The following CPAP variants were observed in gnomAD, a reference collection of about 807,000 sequenced individuals.
The protein encoded by CPAP is centrosome assembly and centriole elongation protein.
chr13:24,916,924 C>T, the CPAP span, among the ~76,000 whole-genome samples: 2 of 152,072 alleles, frequency 1.3e-5, no homozygotes, highest in Non-Finnish European at 2.9e-5. Flanking sequence ...ACCAAGTGCA[C>T]AGTAGTGTGT....
chr13:24,892,069 T>A, the CPAP span, among the ~76,000 whole-genome samples: 1 of 152,236 alleles, frequency 6.6e-6, no homozygotes, highest in African/African-American at 2.4e-5. Context: ...ATTACAGTCT[T>A]TCTTCCACCA....
chr13:24,922,102 T>C, the CPAP span, among the ~76,000 whole-genome samples: 10 of 152,262 alleles, frequency 6.6e-5, no homozygotes, highest in African/African-American at 2.4e-4. Context: ...GCCATTTTTA[T>C]TGTATAGCAA....
chr13:24,888,018 G>A, the CPAP span, among the ~76,000 whole-genome samples: 3 of 152,202 alleles, frequency 2.0e-5, no homozygotes, highest in East Asian at 1.9e-4. Context: ...ATGTCTTTAC[G>A]TAGGTGGTGG....
chr13:24,893,363 G>A, the CPAP span, among the ~76,000 whole-genome samples: 1 of 152,246 alleles, frequency 6.6e-6, no homozygotes, highest in African/African-American at 2.4e-5. Flanking sequence ...AATAAGGGAA[G>A]AATATGCTGG....
chr13:24,908,458 A>AAAAAAAG, the CPAP span, among the ~76,000 whole-genome samples: 513 of 129,270 alleles, frequency 4.0e-3, 6 homozygotes, highest in African/African-American at 0.013. Flanking sequence ...AAAAAAAAAA[A>AAAAAAAG]AAAAAATTAG....
At chr13:24,907,257 G>A in the CPAP span, 2 of 1,349,974 alleles carry the variant, frequency 1.5e-6, no homozygotes, top group Non-Finnish European at 1.1e-6. Flanking sequence ...TACACTTAGT[G>A]TGCCTGGTAT....
the CPAP span, chr13:24,913,049 T>G: frequency 2.5e-6 from 4 of 1,600,230 alleles, 1 homozygote; most frequent in Admixed American, 6.7e-5. Flanking sequence ...CACTATTATA[T>G]TTAAACAATG....
At chr13:24,895,213 C>A in the CPAP span, among the ~76,000 whole-genome samples, 1 of 152,270 alleles carries the variant, frequency 6.6e-6, no homozygotes, top group Non-Finnish European at 1.5e-5. Flanking sequence ...AGGCTCTACG[C>A]TCAGAGCAGC....
chr13:24,931,061 G>C, the CPAP span, among the ~76,000 whole-genome samples: 3 of 152,118 alleles, frequency 2.0e-5, no homozygotes, highest in Non-Finnish European at 4.4e-5. Flanking sequence ...TAGTGATGTT[G>C]AGCTTTTTTC....
At chr13:24,904,047 G>C in the CPAP span, 1 of 1,613,666 alleles carries the variant, frequency 6.2e-7, no homozygotes, top group African/African-American at 1.3e-5. Flanking sequence ...ACCTGGGATC[G>C]AGCATTGTCA....
the CPAP span, chr13:24,885,480 A>G: frequency 8.5e-7 from 1 of 1,169,774 alleles, no homozygotes; most frequent in Non-Finnish European, 1.3e-6. Flanking sequence ...TTTACAAAAT[A>G]TAACATTTAT....
chr13:24,885,628 A>G, the CPAP span: 3 of 1,612,476 alleles, frequency 1.9e-6, no homozygotes, highest in Non-Finnish European at 2.5e-6. Context: ...CAAATTGCCT[A>G]AATCACGAGG....
the CPAP span, chr13:24,885,552 G>T: frequency 1.5e-6 from 2 of 1,371,152 alleles, no homozygotes; most frequent in Admixed American, 1.7e-5. Context: ...TTAACAAATT[G>T]ATTTCAAGCC....
chr13:24,912,241 C>T, the CPAP span, among the ~76,000 whole-genome samples: 3 of 152,036 alleles, frequency 2.0e-5, no homozygotes, highest in Admixed American at 6.6e-5. Flanking sequence ...CATATCCTTA[C>T]GAAGGAAATC....
the CPAP span, among the ~76,000 whole-genome samples, chr13:24,931,729 C>A: frequency 1.6e-3 from 247 of 152,324 alleles, 1 homozygote; most frequent in African/African-American, 5.7e-3. Context: ...CAAACACTAT[C>A]ACGAATTTCA....
At chr13:24,915,566 G>A in the CPAP span, among the ~76,000 whole-genome samples, 1 of 152,232 alleles carries the variant, frequency 6.6e-6, no homozygotes, top group Non-Finnish European at 1.5e-5. Flanking sequence ...CACTTTGGGA[G>A]GCCGAGGCGG....
At chr13:24,905,467 G>C in the CPAP span, 352 of 1,614,082 alleles carry the variant, frequency 2.2e-4, no homozygotes, top group African/African-American at 3.5e-3. Context: ...GAGGACTTCT[G>C]CTCCTCCTGG....
At chr13:24,894,676 G>C in the CPAP span, among the ~76,000 whole-genome samples, 2 of 152,338 alleles carry the variant, frequency 1.3e-5, no homozygotes, top group South Asian at 2.1e-4. Context: ...CCAGCGGTAA[G>C]GATGGGAAGG....
At chr13:24,933,332 CCTGTT>C in the CPAP span, among the ~76,000 whole-genome samples, 5 of 152,198 alleles carry the variant, frequency 3.3e-5, no homozygotes, top group Admixed American at 2.0e-4. Context: ...CTGTTCTCTC[CCTGTT>C]CCCTGAACCG....
Sources: allele counts gnomAD v4.1 joint callset (sites outside exome capture counted in the v4.1 genomes callset), GRCh38; gene constraint gnomAD v4.1.1; transcripts MANE v1.5; gene names NCBI Gene and HGNC (gene_info 2026-07-23, HGNC 2026-07-21).